Variants in PIK3AP1 observed in about 807,000 individuals in gnomAD.
PIK3AP1 encodes the protein phosphoinositide-3-kinase adaptor protein 1, also known as phosphoinositide 3-kinase adapter protein 1.
In PIK3AP1, 21 loss-of-function variants were observed where a neutral mutation model predicts 88.1. The ratio of observed to expected loss-of-function variants is 0.24; its 90% CI spans 0.17 to 0.34. The LOEUF (loss-of-function observed/expected upper bound fraction) is 0.34. PIK3AP1 is among the 10% of genes least tolerant of loss of function. The pLI, the probability that PIK3AP1 is intolerant of heterozygous loss-of-function variation, is 1.00. For synonymous variants in PIK3AP1, 398 were observed against 400.0 expected (o/e 1.00, Z 0.06); for missense variants, 828 against 1,035.7 (o/e 0.80, Z 2.75).
chr10:96,629,880 C>T (rs1459168865), intron 8 of PIK3AP1, among the ~76,000 whole-genome samples: 2 of 112,802 alleles, frequency 1.8e-5, no homozygotes, highest in Non-Finnish European at 3.4e-5. Flanking sequence ...GGCGATAGAG[C>T]AAGACCCTGT....
intron 2 of PIK3AP1, among the ~76,000 whole-genome samples, chr10:96,658,807 G>A (rs1298044331): frequency 1.4e-5 from 2 of 146,760 alleles, no homozygotes; most frequent in Non-Finnish European, 1.6e-5. Flanking sequence ...AGAATCTAGT[G>A]TTAAGAGGTA....
chr10:96,628,889 C>CATATACATATACAT (rs1554955371), intron 8 of PIK3AP1, among the ~76,000 whole-genome samples: 1 of 60,850 alleles, frequency 1.6e-5, no homozygotes, highest in Admixed American at 2.2e-4. Context: ...TATATATATA[C>CATATACATATACAT]ATATATATAT....
intron 8 of PIK3AP1, among the ~76,000 whole-genome samples, chr10:96,628,875 C>CACACACACATATATACATATATATATAT (rs1564961141): frequency 3.3e-5 from 3 of 90,904 alleles, no homozygotes; most frequent in East Asian, 3.1e-4. Flanking sequence ...CATATATACA[C>CACACACACATATATACATATATATATAT]ATATATATAT....
Position 96,616,710 on chromosome 10 carries a change from T to G in PIK3AP1, c.1943A>C (p.Glu648Ala). The change falls in exon 13 of 17, where the codon GAA becomes GCA. Residue 648 changes from glutamate (E) to alanine (A), a missense_variant and splice_region_variant. Around this residue, in one of 3 missense-constraint regions of PIK3AP1, gnomAD observed 191 missense variants for 208.6 expected, o/e 0.92. Coordinates refer to ENST00000339364, the MANE Select transcript of PIK3AP1 (RefSeq NM_152309.3). Reference protein sequence around the residue: ...KRSESFRFQQENLKRLRDSIT... With the variant: ...KRSESFRFQQANLKRLRDSIT... ...GCTGTCTCTTAGCCGTTTAAGATTT[T>G]CCTGGAAAAAAATTTGGTTTATTTT... is the stretch of plus-strand genomic sequence containing the variant. The G allele has an allele frequency of 6.2e-7, 1 of 1,614,192 alleles. No individual in the cohort carries two copies. Among genetic ancestry groups the G allele is most frequent in the South Asian group, 1.1e-5 (1 of 91,072 alleles).
At chr10:96,602,050 A>C (rs1361196445) in intron 16 of PIK3AP1, among the ~76,000 whole-genome samples, 1 of 152,038 alleles carries the variant, frequency 6.6e-6, no homozygotes, top group Non-Finnish European at 1.5e-5. Context: ...TGCTCGGCTA[A>C]TTTTTTGTAT....
chr10:96,641,289 C>G (rs967567199), intron 8 of PIK3AP1, among the ~76,000 whole-genome samples: 3 of 152,142 alleles, frequency 2.0e-5, no homozygotes, highest in Non-Finnish European at 2.9e-5. Context: ...GCCTTGGATT[C>G]TCTTTGGAGA....
intron 2 of PIK3AP1, among the ~76,000 whole-genome samples, chr10:96,687,128 C>T (rs1450096796): frequency 6.6e-6 from 1 of 151,610 alleles, no homozygotes; most frequent in Non-Finnish European, 1.5e-5. Flanking sequence ...CGGTGGCGGG[C>T]GCCTGTAGTC....
chr10:96,660,421 T>C (rs889558200), intron 2 of PIK3AP1, among the ~76,000 whole-genome samples: 1 of 152,098 alleles, frequency 6.6e-6, no homozygotes, highest in Non-Finnish European at 1.5e-5. Flanking sequence ...AAAACAGCCA[T>C]GAAATAGCAC....
chr10:96,655,083 T>A (rs547692126), intron 3 of PIK3AP1, among the ~76,000 whole-genome samples: 1 of 152,018 alleles, frequency 6.6e-6, no homozygotes, highest in African/African-American at 2.4e-5. Context: ...AAGATGGGAG[T>A]CTCACCATGT....
chr10:96,692,751 A>G (rs879622210), intron 2 of PIK3AP1, among the ~76,000 whole-genome samples: 1 of 152,226 alleles, frequency 6.6e-6, no homozygotes, highest in Admixed American at 6.5e-5. Context: ...AGAGCATTTG[A>G]CTGCAGAATT....
At chr10:96,664,637 T>A (rs1468461949) in intron 2 of PIK3AP1, among the ~76,000 whole-genome samples, 2 of 152,230 alleles carry the variant, frequency 1.3e-5, no homozygotes, top group Non-Finnish European at 2.9e-5. Flanking sequence ...TTGATGCTAA[T>A]AGTGCGGCAC....
chr10:96,596,966 G>T (rs1246898646), intron 16 of PIK3AP1, among the ~76,000 whole-genome samples: 1 of 152,240 alleles, frequency 6.6e-6, no homozygotes, highest in Non-Finnish European at 1.5e-5. Flanking sequence ...TCAAGGAAAT[G>T]ACAACTGAGT....
At chr10:96,705,345 G>A (rs76136820) in intron 2 of PIK3AP1, among the ~76,000 whole-genome samples, 8,186 of 152,076 alleles carry the variant, frequency 0.054, 274 homozygotes, top group Non-Finnish European at 0.081. Flanking sequence ...CCCAACCCTG[G>A]CCCCAAAGCT....
At chr10:96,598,254 T>C (rs1848817196) in intron 16 of PIK3AP1, among the ~76,000 whole-genome samples, 1 of 152,026 alleles carries the variant, frequency 6.6e-6, no homozygotes, top group Non-Finnish European at 1.5e-5. Flanking sequence ...TTTTGCCAAG[T>C]TGCCCAGGCT....
At chr10:96,694,948 G>C (rs1042109251) in intron 2 of PIK3AP1, among the ~76,000 whole-genome samples, 2 of 152,020 alleles carry the variant, frequency 1.3e-5, no homozygotes, top group Non-Finnish European at 2.9e-5. Context: ...TGCATGCCCC[G>C]GACCATGGGA....
chr10:96,667,932 C>A (rs554631793), intron 2 of PIK3AP1, among the ~76,000 whole-genome samples: 2 of 152,284 alleles, frequency 1.3e-5, no homozygotes, highest in African/African-American at 2.4e-5. Flanking sequence ...AATTTAATAC[C>A]AATGTGTACT....
chr10:96,683,050 G>A (rs1338545092), intron 2 of PIK3AP1, among the ~76,000 whole-genome samples: 1 of 152,136 alleles, frequency 6.6e-6, no homozygotes, highest in Non-Finnish European at 1.5e-5. Context: ...GTTAAGAATC[G>A]AACAACGCTT....
intron 2 of PIK3AP1, among the ~76,000 whole-genome samples, chr10:96,708,854 G>A (rs1844400541): frequency 6.6e-6 from 1 of 152,056 alleles, no homozygotes; most frequent in South Asian, 2.1e-4. Context: ...GCCTTGGCGG[G>A]GCACGGAGGC....
At chr10:96,668,466 A>G (rs1287316197) in intron 2 of PIK3AP1, among the ~76,000 whole-genome samples, 1 of 152,252 alleles carries the variant, frequency 6.6e-6, no homozygotes, top group Non-Finnish European at 1.5e-5. Flanking sequence ...GAAGGCCTGT[A>G]GCATAAACAT....
Sources: gnomAD v4.1 joint callset for allele counts (sites outside exome capture counted in the v4.1 genomes callset) on GRCh38, gnomAD v4.1.1 for gene constraint, gnomAD v4.1.1 regional missense constraint, MANE v1.5 for transcripts, NCBI Gene and HGNC (gene_info 2026-07-23, HGNC 2026-07-21) for gene names.